Variants in TRPM3 observed in about 807,000 individuals in gnomAD.
The protein encoded by TRPM3 is long transient receptor potential channel 3.
TRPM3 carries 77 observed loss-of-function variants against 181.2 expected under a neutral mutation model. The observed-to-expected ratio is 0.42, with a 90% CI of 0.35 to 0.51. The LOEUF is 0.51. Among genes scored for constraint, TRPM3 ranks in the 20% least tolerant of loss-of-function variants. TRPM3 has a pLI of 0.01. For synonymous variants in TRPM3, 745 were observed against 796.4 expected (o/e 0.94, Z 1.09); for missense variants, 1,759 against 2,196.7 (o/e 0.80, Z 3.98).
At chr9:71,012,028 C>G (rs564527017) in intron 1 of TRPM3, among the ~76,000 whole-genome samples, 1 of 152,140 alleles carries the variant, frequency 6.6e-6, no homozygotes, top group African/African-American at 2.4e-5. Flanking sequence ...AGCGATCTGC[C>G]CGCATTGGCC....
chr9:70,658,042 C>A (rs2060612705), intron 9 of TRPM3, among the ~76,000 whole-genome samples: 1 of 152,138 alleles, frequency 6.6e-6, no homozygotes, highest in Admixed American at 6.6e-5. Flanking sequence ...CATTAACTGA[C>A]TCCCTAATAA....
intron 1 of TRPM3, among the ~76,000 whole-genome samples, chr9:70,901,306 T>C (rs1247485256): frequency 6.6e-6 from 1 of 152,188 alleles, no homozygotes; most frequent in African/African-American, 2.4e-5. Flanking sequence ...TTAGGTAATA[T>C]AGGGTCAGTC....
chr9:70,871,705 C>T (rs76244270), intron 1 of TRPM3, among the ~76,000 whole-genome samples: 54 of 152,130 alleles, frequency 3.5e-4, no homozygotes, highest in African/African-American at 1.1e-3. Context: ...TGTGCATCAC[C>T]TGACAATGCA....
At chr9:71,121,654 A>C, upstream of TRPM3, 2 of 1,128,234 alleles carry the variant, frequency 1.8e-6, no homozygotes, top group Non-Finnish European at 2.2e-6. Flanking sequence ...CTCCCAGTAA[A>C]CGCAGGTCAG....
At chr9:71,191,419 T>C (rs552631524) in intron 1 of TRPM3, among the ~76,000 whole-genome samples, 1 of 151,968 alleles carries the variant, frequency 6.6e-6, no homozygotes, top group South Asian at 2.1e-4. Flanking sequence ...CCTCTCCAGC[T>C]CACTTCCATT....
chr9:70,797,246 T>G (rs17055833), intron 6 of TRPM3, among the ~76,000 whole-genome samples: 12,564 of 152,256 alleles, frequency 0.083, 599 homozygotes, highest in East Asian at 0.11. Flanking sequence ...AGATGCAAAG[T>G]AGACAGATGC....
chr9:70,827,779 G>A (rs1200029861), intron 6 of TRPM3, 68 bp downstream of exon 6: 7 of 1,529,880 alleles, frequency 4.6e-6, no homozygotes, highest in African/African-American at 2.7e-5. Flanking sequence ...GCTGCATGGT[G>A]TACTTAAAGT....
intron 1 of TRPM3, among the ~76,000 whole-genome samples, chr9:70,959,988 A>C (rs1377076484): frequency 6.6e-6 from 1 of 152,190 alleles, no homozygotes; most frequent in Admixed American, 6.6e-5. Flanking sequence ...AATAATCATT[A>C]GGGCTTATTC....
At chr9:71,246,066 C>T (rs777009038) in intron 1 of TRPM3, among the ~76,000 whole-genome samples, 11 of 152,110 alleles carry the variant, frequency 7.2e-5, no homozygotes, top group Non-Finnish European at 1.3e-4. Flanking sequence ...TAAAATTACA[C>T]AATGGTACTT....
chr9:71,265,132 T>A (rs1256318051), intron 1 of TRPM3, among the ~76,000 whole-genome samples: 2 of 152,152 alleles, frequency 1.3e-5, no homozygotes, highest in East Asian at 1.9e-4. Flanking sequence ...GAATTAGAAT[T>A]TTCATGATGC....
chr9:70,885,524 G>C (rs925164235), intron 1 of TRPM3, among the ~76,000 whole-genome samples: 5 of 152,120 alleles, frequency 3.3e-5, no homozygotes, highest in Non-Finnish European at 7.4e-5. Context: ...TTTCTGGCTT[G>C]TCTATTATTA....
intron 8 of TRPM3, among the ~76,000 whole-genome samples, chr9:70,737,903 A>C (rs182106963): frequency 6.6e-6 from 1 of 152,204 alleles, no homozygotes; most frequent in Non-Finnish European, 1.5e-5. Context: ...GAAATGAGAT[A>C]GACAGCAACA....
chr9:71,247,658 T>A (rs1021648118), intron 1 of TRPM3, among the ~76,000 whole-genome samples: 1 of 152,158 alleles, frequency 6.6e-6, no homozygotes, highest in Non-Finnish European at 1.5e-5. Context: ...GAAATTCATA[T>A]GAGCTGAACT....
At chr9:70,869,103 G>GA (rs1301284493) in intron 1 of TRPM3, 378 of 958,194 alleles carry the variant, frequency 3.9e-4, no homozygotes, top group East Asian at 1.2e-3. Context: ...CCGCCCACTG[G>GA]AAAAAAAAAG....
At chr9:71,245,458 A>AT (rs935781174) in intron 1 of TRPM3, among the ~76,000 whole-genome samples, 2 of 151,664 alleles carry the variant, frequency 1.3e-5, no homozygotes, top group Non-Finnish European at 2.9e-5. Flanking sequence ...AAAAAAAAAA[A>AT]ATACAGTGAA....
chr9:70,919,913 G>A (rs889340184), intron 1 of TRPM3, among the ~76,000 whole-genome samples: 1 of 152,022 alleles, frequency 6.6e-6, no homozygotes, highest in Non-Finnish European at 1.5e-5. Flanking sequence ...AGTCTAACTT[G>A]GGGCCCATCT....
chr9:70,659,564 A>G (rs1366717279), intron 9 of TRPM3, among the ~76,000 whole-genome samples: 1 of 152,158 alleles, frequency 6.6e-6, no homozygotes, highest in Non-Finnish European at 1.5e-5. Context: ...AATAAAGCAA[A>G]TCTGTCCTAC....
chr9:71,186,220 C>T (rs1208932597), intron 1 of TRPM3, among the ~76,000 whole-genome samples: 1 of 151,958 alleles, frequency 6.6e-6, no homozygotes, highest in Non-Finnish European at 1.5e-5. Context: ...ATTATATTTG[C>T]AATTACCGTA....
chr9:70,974,397 C>T (rs1401850590), intron 1 of TRPM3, among the ~76,000 whole-genome samples: 1 of 114,500 alleles, frequency 8.7e-6, no homozygotes, highest in Admixed American at 9.0e-5. Flanking sequence ...AAATTAGCCG[C>T]GCGTGGTGGC....
Sources: allele counts gnomAD v4.1 joint callset (sites outside exome capture counted in the v4.1 genomes callset), GRCh38; gene constraint gnomAD v4.1.1; transcripts MANE v1.5; gene names NCBI Gene and HGNC (gene_info 2026-07-23, HGNC 2026-07-21).